STOX2: variants seen among roughly 807,000 people sequenced by gnomAD.
STOX2 encodes storkhead box 2.
A neutral mutation model predicts 60.9 loss-of-function variants in STOX2; 28 were observed. That is an observed-to-expected ratio of 0.46 (90% CI 0.34 to 0.63). The LOEUF is 0.63. STOX2 is among the 30% of genes least tolerant of loss of function. The pLI is 0.01. For missense variants in STOX2, 1,024 were observed against 1,187.7 expected, an observed-to-expected ratio of 0.86 and a Z score of 2.03; for synonymous variants, 472 against 463.9, an observed-to-expected ratio of 1.02 and a Z score of -0.22.
chr4:183,920,448 C>G (rs976897186), intron 1 of STOX2, among the ~76,000 whole-genome samples: 2 of 152,128 alleles, frequency 1.3e-5, no homozygotes, highest in African/African-American at 4.8e-5. Context: ...GTTTCATTCC[C>G]CCAGTGGTTC....
chr4:183,840,860 A>G (rs1456129140), intron 1 of STOX2, among the ~76,000 whole-genome samples: 1 of 151,982 alleles, frequency 6.6e-6, no homozygotes, highest in Non-Finnish European at 1.5e-5. Context: ...AGAGAGTTTC[A>G]CTCATTGTAT....
intron 1 of STOX2, among the ~76,000 whole-genome samples, chr4:183,934,164 A>G (rs1294512898): frequency 2.0e-5 from 3 of 151,922 alleles, no homozygotes; most frequent in Non-Finnish European, 4.4e-5. Flanking sequence ...TTAGCCGGGC[A>G]TGGTGGCAGG....
chr4:183,865,297 T>A lies in STOX2; in HGVS notation c.364+67242T>A, dbSNP rs1487753765. 1.3e-5 allele frequency among the ~76,000 whole-genome samples: 2 copies of A among 152,328 alleles called. No individual in the cohort carries two copies. Among genetic ancestry groups the A allele is most frequent in the South Asian group, 2.1e-4 (1 of 4,830 alleles). ...ATCTGATTATTTATTCTCTCTCTTCTTAGATACTCGGTTTTAAAGTGACTG... is the reference window on the plus strand; with the variant it reads ...ATCTGATTATTTATTCTCTCTCTTCATAGATACTCGGTTTTAAAGTGACTG... On this transcript the variant is annotated intron_variant, in intron 1 of 2. Transcript: ENST00000513034. This position sits in a 1 kb window ranked among gnomAD's most constrained non-coding sequence, Gnocchi z 4.1.
intron 1 of STOX2, among the ~76,000 whole-genome samples, chr4:183,805,024 G>A (rs796497416): frequency 6.6e-5 from 10 of 152,262 alleles, no homozygotes; most frequent in African/African-American, 2.4e-4. Context: ...TGTGTCTTGC[G>A]ACGGGTTGAA....
intron 1 of STOX2, among the ~76,000 whole-genome samples, chr4:183,871,856 T>G (rs1233352636): frequency 6.6e-6 from 1 of 152,050 alleles, no homozygotes; most frequent in Non-Finnish European, 1.5e-5. Flanking sequence ...AAAAAAAATA[T>G]GCAGCTATAA....
chr4:183,988,966 C>G (rs1048543242), intron 1 of STOX2, among the ~76,000 whole-genome samples: 1 of 152,126 alleles, frequency 6.6e-6, no homozygotes, highest in African/African-American at 2.4e-5. Flanking sequence ...CAGTCCAGGT[C>G]CTCCCACTGT....
At chr4:183,870,600 TA>T in intron 1 of STOX2, among the ~76,000 whole-genome samples, 1 of 152,358 alleles carries the variant, frequency 6.6e-6, no homozygotes, top group African/African-American at 2.4e-5. Flanking sequence ...CTCTTTCACT[TA>T]AAATTTATAA....
At chr4:183,878,586 A>G (rs1740883002) in intron 1 of STOX2, among the ~76,000 whole-genome samples, 1 of 152,232 alleles carries the variant, frequency 6.6e-6, no homozygotes, top group African/African-American at 2.4e-5. Context: ...AGAAAACCAA[A>G]TGAGTGTGAA....
chr4:183,908,505 G>T (rs1741681166), intron 1 of STOX2, among the ~76,000 whole-genome samples: 4 of 151,652 alleles, frequency 2.6e-5, no homozygotes, highest in Admixed American at 2.6e-4. Flanking sequence ...CACCAACTGT[G>T]AAGCTATAGG....
intron 1 of STOX2, among the ~76,000 whole-genome samples, chr4:183,867,175 A>G (rs779793454): frequency 2.6e-5 from 4 of 152,182 alleles, no homozygotes; most frequent in East Asian, 1.9e-4. Context: ...CGCCCTCTCT[A>G]TTACCCATGT....
At chr4:183,946,922 C>T (rs555056486) in intron 1 of STOX2, among the ~76,000 whole-genome samples, 1 of 152,276 alleles carries the variant, frequency 6.6e-6, no homozygotes, top group South Asian at 2.1e-4. Context: ...CCACTGTGCC[C>T]TGCCTACAAC....
At chr4:183,968,388 G>A (rs905313406) in intron 1 of STOX2, among the ~76,000 whole-genome samples, 1 of 139,234 alleles carries the variant, frequency 7.2e-6, no homozygotes, top group African/African-American at 2.9e-5. Flanking sequence ...ACAAAGAAGA[G>A]CATAATTAAA....
chr4:183,821,389 A>G lies in STOX2; in HGVS notation c.364+23334A>G, dbSNP rs1231543183. 6.6e-6 allele frequency among the ~76,000 whole-genome samples: 1 copy of G among 152,224 alleles called. No individual in the cohort carries two copies. ...AGGATCTTTTATAAAGAACAAACGA[A>G]AGCATTACACTGATATTATTCATGC... is the stretch of plus-strand genomic sequence containing the variant. On this transcript the variant is annotated intron_variant, in intron 1 of 2. Transcript: ENST00000513034. This position sits in a 1 kb window ranked among gnomAD's most constrained non-coding sequence, Gnocchi z 4.2.
intron 1 of STOX2, among the ~76,000 whole-genome samples, chr4:183,915,467 C>A (rs1234758600): frequency 6.6e-6 from 1 of 151,014 alleles, no homozygotes; most frequent in Admixed American, 6.6e-5. Flanking sequence ...AACCTCTTTT[C>A]GATGTCGGTG....
intron 1 of STOX2, among the ~76,000 whole-genome samples, chr4:183,914,956 G>GCT (rs1169660522): frequency 6.6e-6 from 1 of 152,168 alleles, no homozygotes; most frequent in Non-Finnish European, 1.5e-5. Flanking sequence ...TGAAAACAGA[G>GCT]CTCTGCAAGT....
At chr4:183,968,830 G>A (rs1291287985) in intron 1 of STOX2, among the ~76,000 whole-genome samples, 1 of 152,158 alleles carries the variant, frequency 6.6e-6, no homozygotes, top group Non-Finnish European at 1.5e-5. Flanking sequence ...GAAGGTAAAT[G>A]GTATAACACA....
chr4:183,959,485 C>T (rs1294964321), intron 1 of STOX2, among the ~76,000 whole-genome samples: 1 of 152,184 alleles, frequency 6.6e-6, no homozygotes, highest in Non-Finnish European at 1.5e-5. Flanking sequence ...CTCCCCTTCC[C>T]CCGCAGTGGT....
chr4:184,010,822 G>T lies in STOX2; in HGVS notation c.1984G>T (p.Gly662Cys). ...GHKEESPKGP[G>C]GGPAASGGVA... ...CAAGGAGGAGTCACCAAAAGGGCCG[G>T]GTGGGGGCCCCGCTGCTTCGGGAGG... The change falls in exon 3 of 4, where the codon GGT becomes TGT. Residue 662 changes from glycine to cysteine, a missense_variant. Physicochemically the swap from Gly to Cys is radical, Grantham distance 159. Around this residue, in one of 3 missense-constraint regions of STOX2, gnomAD observed 922 missense variants for 1,058.3 expected, o/e 0.87. Coordinates refer to ENST00000308497, the MANE Select transcript of STOX2 (RefSeq NM_020225.3). This position sits in a 1 kb window ranked among gnomAD's most constrained non-coding sequence, Gnocchi z 4.5. 1 of 1,589,960 alleles carries T rather than the reference G, an allele frequency of 6.3e-7. No individual in the cohort carries two copies. The highest frequency in any genetic ancestry group is 8.6e-7 in the Non-Finnish European group (1 of 1,168,314).
At chr4:183,860,442 C>CAAAAAAA (rs35753992) in intron 1 of STOX2, among the ~76,000 whole-genome samples, 11 of 121,514 alleles carry the variant, frequency 9.1e-5, no homozygotes, top group Non-Finnish European at 1.4e-4. Context: ...AAACAAAAAA[C>CAAAAAAA]AAAAAAAAAA....
Sources: allele counts gnomAD v4.1 joint callset (sites outside exome capture counted in the v4.1 genomes callset), GRCh38; gene constraint gnomAD v4.1.1; regional missense constraint gnomAD v4.1.1; non-coding constraint Gnocchi (gnomAD v3.1); transcripts MANE v1.5; gene names NCBI Gene and HGNC (gene_info 2026-07-23, HGNC 2026-07-21).